The following TNFRSF10D variants were observed in gnomAD, a reference collection of about 807,000 sequenced individuals.
TNFRSF10D encodes the protein TNF receptor superfamily member 10d.
A neutral mutation model predicts 42.1 loss-of-function variants in TNFRSF10D; 28 were observed. That is an observed-to-expected ratio of 0.66 (90% CI 0.49 to 0.91). TNFRSF10D has a LOEUF of 0.91. TNFRSF10D is among the 40% of genes least tolerant of loss of function. The probability of loss-of-function intolerance (pLI) is 0.00; values close to 1 mark genes in which losing one functional copy is unlikely to be tolerated. For missense variants in TNFRSF10D, 503 were observed against 486.1 expected, an observed-to-expected ratio of 1.03 and a Z score of -0.33; for synonymous variants, 186 against 189.4, an observed-to-expected ratio of 0.98 and a Z score of 0.15.
intron 2 of TNFRSF10D, among the ~76,000 whole-genome samples, chr8:23,149,991 T>C (rs1800194170): frequency 6.6e-6 from 1 of 152,040 alleles, no homozygotes; most frequent in African/African-American, 2.4e-5. Context: ...ATCCAACATG[T>C]CCCTATGGAA....
intron 7 of TNFRSF10D, among the ~76,000 whole-genome samples, chr8:23,140,205 C>A (rs898887696): frequency 6.6e-6 from 1 of 152,100 alleles, no homozygotes; most frequent in Non-Finnish European, 1.5e-5. Context: ...AGGAGAATGG[C>A]GTGAACCTGG....
Position 23,135,794 on chromosome 8 carries a change from C to G in TNFRSF10D, c.*2076G>C, listed in dbSNP as rs879242177. ...ACTGATAAGGCTGGTAGTCTAGATG[C>G]ATCTTCAAGGAAGGCCTCTGAGGAA... On this transcript the variant is annotated 3_prime_UTR_variant, in exon 9 of 9. Transcript: ENST00000312584. The G allele has an allele frequency of 3.4e-3, 1,475 of 430,870 alleles. No individual in the cohort carries two copies. The highest frequency in any genetic ancestry group is 0.016 in the African/African-American group (791 of 49,028). The allele number at this position is 430,870 out of a possible 1,614,324, so 26.7% of individuals were successfully genotyped here.
chr8:23,144,994 G>A (rs560403845), intron 6 of TNFRSF10D, 64 bp downstream of exon 6: 408 of 1,611,002 alleles, frequency 2.5e-4, no homozygotes, highest in Admixed American at 5.7e-4. Context: ...ACCCAGGCTC[G>A]GCAGTGGATG....
Position 23,163,773 on chromosome 8 carries a change from G to A in TNFRSF10D, c.150+13C>T. 3 of 1,607,552 alleles carry A rather than the reference G, an allele frequency of 1.9e-6. No individual in the cohort carries two copies. Among genetic ancestry groups the A allele is most frequent in the Non-Finnish European group, 2.5e-6 (3 of 1,177,950 alleles). On this transcript the variant is annotated intron_variant, in intron 1 of 8. Coordinates refer to ENST00000312584, the MANE Select transcript of TNFRSF10D (RefSeq NM_003840.5). ...GCGCTCTTCCCCAGCCAGGGACCGC[G>A]GCGGAGACTCACCGGCAGCAGAACC...
intron 3 of TNFRSF10D, 110 bp from the exon 4 acceptor site, chr8:23,147,182 T>A (rs2128837200): frequency 1.1e-6 from 1 of 887,386 alleles, no homozygotes; most frequent in Admixed American, 2.0e-5. Context: ...ACCAAGGAGT[T>A]CTGAGGGCTG....
At position 23,144,452 on chromosome 8, in the gene TNFRSF10D, G is replaced by T. The variant is rs145711687; in HGVS notation, c.952C>A (p.Leu318Met). ...GGCACAGTCCCTCCTCAACTCACCA[G>T]CAGACGCTGTGGCTCCTCTGGCAAC... The part of the protein sequence containing the change: ...VELPEEPQRL[L>M]EQAEAEGCQR... The change falls in exon 7 of 9, where the codon CTG (leucine) becomes ATG (methionine). Residue 318 changes from leucine to methionine, a missense_variant and splice_region_variant. Physicochemically the swap from Leu to Met is conservative, Grantham distance 15. Transcript: ENST00000312584. 3 of 1,613,616 alleles carry T rather than the reference G, an allele frequency of 1.9e-6. No homozygotes were observed. Among genetic ancestry groups the T allele is most frequent in the East Asian group, 4.5e-5 (2 of 44,880 alleles).
chr8:23,157,935 A>G (rs904178512), intron 1 of TNFRSF10D, among the ~76,000 whole-genome samples: 14 of 152,184 alleles, frequency 9.2e-5, no homozygotes, highest in Non-Finnish European at 1.5e-4. Flanking sequence ...CCAATGCCAG[A>G]AAAAGGCAGT....
At chr8:23,146,893 A>C in intron 4 of TNFRSF10D, 68 bp downstream of exon 4, 1 of 1,294,898 alleles carries the variant, frequency 7.7e-7, no homozygotes, top group South Asian at 1.2e-5. Flanking sequence ...GGAGAGATAG[A>C]GGTACCAGGT....
At chr8:23,163,416 T>TGAACGAAC (rs35466375) in intron 1 of TNFRSF10D, among the ~76,000 whole-genome samples, 4 of 150,576 alleles carry the variant, frequency 2.7e-5, no homozygotes, top group South Asian at 2.1e-4. Flanking sequence ...GTTAACGTTA[T>TGAACGAAC]GAACGAACGA....
chr8:23,153,458 C>G (rs375426200), intron 2 of TNFRSF10D, among the ~76,000 whole-genome samples: 843 of 151,908 alleles, frequency 5.5e-3, no homozygotes, highest in African/African-American at 0.017. Flanking sequence ...AGATCAATAT[C>G]CAAAAGATCC....
intron 1 of TNFRSF10D, among the ~76,000 whole-genome samples, chr8:23,161,210 G>A (rs1800362733): frequency 6.6e-6 from 1 of 152,346 alleles, no homozygotes; most frequent in East Asian, 1.9e-4. Context: ...ACAGGCAGGA[G>A]CTGGGGCCAC....
rs113839895 is a variant in TNFRSF10D at position 23,137,336 on chromosome 8, T to C, written c.*534A>G. ...AGTTAAAAAACTATAAGGCAAAGCA[T>C]TGTGGCTGTGCGGCATCTGTAGTTA... On this transcript the variant is annotated 3_prime_UTR_variant, in exon 9 of 9. Coordinates refer to ENST00000312584, the MANE Select transcript of TNFRSF10D (RefSeq NM_003840.5). 954 of 152,602 alleles carry C rather than the reference T, an allele frequency of 6.3e-3. 1 individual carries two copies. The highest frequency in any genetic ancestry group is 0.019 in the African/African-American group (805 of 41,512). The allele number at this position is 152,602 out of a possible 1,614,324, so 9.5% of individuals were successfully genotyped here. A position where few individuals can be genotyped will look rare whatever the true frequency, so the allele number is the denominator to read the frequency against.
chr8:23,156,900 A>G (rs115535576), intron 1 of TNFRSF10D, among the ~76,000 whole-genome samples: 801 of 151,614 alleles, frequency 5.3e-3, no homozygotes, highest in African/African-American at 0.017. Context: ...TTTCTATTCT[A>G]TTTCCTTGAT....
At chr8:23,145,986 G>C in intron 4 of TNFRSF10D, 65 bp from the exon 5 acceptor site, 1 of 1,608,932 alleles carries the variant, frequency 6.2e-7, no homozygotes, top group Non-Finnish European at 8.5e-7. Flanking sequence ...GGATGAAAGA[G>C]GAGCCACCCT....
intron 1 of TNFRSF10D, among the ~76,000 whole-genome samples, chr8:23,160,770 G>C (rs1800355983): frequency 6.6e-6 from 1 of 152,232 alleles, no homozygotes; most frequent in Non-Finnish European, 1.5e-5. Context: ...TGGCCTCTCA[G>C]TAGGGGCTGG....
chr8:23,140,986 C>G (rs573192212), intron 7 of TNFRSF10D, among the ~76,000 whole-genome samples: 933 of 152,144 alleles, frequency 6.1e-3, no homozygotes, highest in African/African-American at 0.019. Flanking sequence ...ACAACGAAAA[C>G]TAGACCCCTA....
rs1481407751 is a variant in TNFRSF10D at position 23,145,995 on chromosome 8, C to G, written c.483-74G>C. On this transcript the variant is annotated intron_variant, in intron 4 of 8. Transcript: ENST00000312584. ...CAGGTGGGATGAAAGAGGAGCCACCCTCCCTGCCCAAAGTCCCTGAGAAGG... is the reference window on the plus strand; with the variant it reads ...CAGGTGGGATGAAAGAGGAGCCACCGTCCCTGCCCAAAGTCCCTGAGAAGG... 3 of 1,605,076 alleles carry G rather than the reference C, an allele frequency of 1.9e-6. No homozygotes were observed. In the African/African-American group the frequency reaches 4.0e-5, roughly 21 times the overall value.
At chr8:23,160,814 C>T (rs977767438) in intron 1 of TNFRSF10D, among the ~76,000 whole-genome samples, 1 of 152,214 alleles carries the variant, frequency 6.6e-6, no homozygotes. Context: ...TGGATGGAGA[C>T]CTTTCCTGCT....
chr8:23,147,716 C>T (rs916931431), intron 3 of TNFRSF10D, among the ~76,000 whole-genome samples: 5 of 152,018 alleles, frequency 3.3e-5, no homozygotes, highest in Non-Finnish European at 5.9e-5. Context: ...CACCTGAGGT[C>T]GGGAGTTCGA....
Sources: allele counts gnomAD v4.1 joint callset (sites outside exome capture counted in the v4.1 genomes callset), GRCh38; gene constraint gnomAD v4.1.1; transcripts MANE v1.5; gene names NCBI Gene and HGNC (gene_info 2026-07-23, HGNC 2026-07-21).